NKAIN2: variants seen among roughly 807,000 people sequenced by gnomAD.
NKAIN2 encodes the protein sodium/potassium transporting ATPase interacting 2.
In NKAIN2, 14 loss-of-function variants were observed where a neutral mutation model predicts 32.6. That is an observed-to-expected ratio of 0.43 (90% CI 0.28 to 0.67). NKAIN2 has a LOEUF of 0.67. Ranked by LOEUF, NKAIN2 falls within the 30% of genes least tolerant of loss-of-function variation. NKAIN2 has a pLI of 0.17. For missense variants in NKAIN2, 198 were observed against 258.3 expected (o/e 0.77, Z 1.60); for synonymous variants, 80 against 87.2 (o/e 0.92, Z 0.46).
rs533100713 is a variant in NKAIN2 at position 123,878,883 on chromosome 6, A to C, written c.54+74629A>C. Among the ~76,000 whole-genome samples, 21 of 152,056 alleles carry C rather than the reference A, an allele frequency of 1.4e-4. No individual in the cohort carries two copies. In the South Asian group the frequency reaches 4.2e-3, roughly 30 times the overall value. On this transcript the variant is annotated intron_variant, in intron 1 of 6. Coordinates refer to ENST00000368417, the MANE Select transcript of NKAIN2 (RefSeq NM_001040214.3). ...CTTGCCTACCTGGTGGCAAACTACT[A>C]CTCAGAAGTTCACTCCAAAATGACT... is the stretch of plus-strand genomic sequence containing the variant.
chr6:123,907,520 C>G (rs754775444), intron 1 of NKAIN2, among the ~76,000 whole-genome samples: 1 of 152,150 alleles, frequency 6.6e-6, no homozygotes, highest in Non-Finnish European at 1.5e-5. Flanking sequence ...ATATATGGGA[C>G]TGGAACCCCA....
chr6:124,612,872 A>G (rs9321002), intron 3 of NKAIN2, among the ~76,000 whole-genome samples: 27,204 of 152,040 alleles, frequency 0.18, 2,626 homozygotes, highest in Middle Eastern at 0.24. Flanking sequence ...TATTATTTGC[A>G]TGAGAGAGTT....
chr6:124,202,351 G>A (rs1210968920), intron 1 of NKAIN2, among the ~76,000 whole-genome samples: 1 of 151,890 alleles, frequency 6.6e-6, no homozygotes, highest in Non-Finnish European at 1.5e-5. Context: ...AATTGGCTTC[G>A]ATTCCTTAGC....
At chr6:124,049,330 A>C (rs2114828948) in intron 1 of NKAIN2, among the ~76,000 whole-genome samples, 1 of 152,160 alleles carries the variant, frequency 6.6e-6, no homozygotes, top group South Asian at 2.1e-4. Context: ...AAACATTCCC[A>C]AATATATACT....
intron 1 of NKAIN2, among the ~76,000 whole-genome samples, chr6:123,830,353 C>T (rs1222677766): frequency 6.6e-6 from 1 of 152,166 alleles, no homozygotes; most frequent in Non-Finnish European, 1.5e-5. Context: ...TCCTGTTGCT[C>T]TAGGCGTAAA....
chr6:124,568,302 G>A (rs1051703379), intron 3 of NKAIN2, among the ~76,000 whole-genome samples: 3 of 152,150 alleles, frequency 2.0e-5, no homozygotes, highest in Non-Finnish European at 4.4e-5. Flanking sequence ...AGCAATTAGT[G>A]CCCACTAGGC....
chr6:124,371,852 G>A (rs899085990), intron 3 of NKAIN2, among the ~76,000 whole-genome samples: 15 of 151,968 alleles, frequency 9.9e-5, no homozygotes, highest in African/African-American at 3.6e-4. Context: ...CACTTCCCTG[G>A]TTGTGTTTTA....
chr6:124,574,330 C>G (rs949969019), intron 3 of NKAIN2, among the ~76,000 whole-genome samples: 1 of 150,036 alleles, frequency 6.7e-6, no homozygotes. Context: ...AAAAAAATAC[C>G]AGTGAGGTTG....
intron 1 of NKAIN2, among the ~76,000 whole-genome samples, chr6:124,018,020 T>C (rs182542547): frequency 5.9e-5 from 9 of 152,358 alleles, no homozygotes; most frequent in Admixed American, 4.6e-4. Context: ...GCAGCACACC[T>C]CTGCCTGGAC....
At chr6:123,902,460 A>G (rs1774647384) in intron 1 of NKAIN2, among the ~76,000 whole-genome samples, 1 of 152,184 alleles carries the variant, frequency 6.6e-6, no homozygotes, top group South Asian at 2.1e-4. Flanking sequence ...CAGTATCTAC[A>G]TGTTGACATT....
intron 1 of NKAIN2, among the ~76,000 whole-genome samples, chr6:123,903,028 T>A (rs1774679864): frequency 6.6e-6 from 1 of 152,208 alleles, no homozygotes; most frequent in Non-Finnish European, 1.5e-5. Flanking sequence ...TTGTTCAAAT[T>A]TAATTTCAAG....
chr6:124,810,187 T>A (rs1780821568), intron 5 of NKAIN2, among the ~76,000 whole-genome samples: 1 of 152,012 alleles, frequency 6.6e-6, no homozygotes, highest in African/African-American at 2.4e-5. Flanking sequence ...TGCACACATA[T>A]GTTTATTGCG....
chr6:124,758,194 C>T (rs1778054223), intron 4 of NKAIN2, among the ~76,000 whole-genome samples: 1 of 152,100 alleles, frequency 6.6e-6, no homozygotes, highest in African/African-American at 2.4e-5. Context: ...CCCTCTACTG[C>T]ACACTTGCCT....
intron 4 of NKAIN2, among the ~76,000 whole-genome samples, chr6:124,668,071 G>T (rs1772897152): frequency 6.6e-6 from 1 of 152,046 alleles, no homozygotes; most frequent in African/African-American, 2.4e-5. Flanking sequence ...TCTGACACTT[G>T]TCCCGACTGC....
chr6:124,241,468 C>T (rs1028091038), intron 1 of NKAIN2, among the ~76,000 whole-genome samples: 8 of 152,160 alleles, frequency 5.3e-5, no homozygotes, highest in African/African-American at 1.9e-4. Context: ...AAGCTGGAGG[C>T]ATCACGCTAC....
At chr6:124,001,800 AATAT>A (rs10567719) in intron 1 of NKAIN2, among the ~76,000 whole-genome samples, 7,813 of 135,050 alleles carry the variant, frequency 0.058, 354 homozygotes, top group East Asian at 0.26. Context: ...CTTAGTTCTA[AATAT>A]ATATATATAT....
At chr6:124,283,668 T>A (rs1217229025) in intron 2 of NKAIN2, among the ~76,000 whole-genome samples, 1 of 152,198 alleles carries the variant, frequency 6.6e-6, no homozygotes, top group East Asian at 1.9e-4. Flanking sequence ...GTATTTTGCA[T>A]TCCCACTCAA....
At chr6:124,779,313 AGGGAG>A (rs1562378882) in intron 4 of NKAIN2, among the ~76,000 whole-genome samples, 37 of 56,942 alleles carry the variant, frequency 6.5e-4, no homozygotes, top group Admixed American at 6.3e-4. Flanking sequence ...GGAGGGAGGG[AGGGAG>A]GGAAGGAAGG....
At chr6:124,727,743 A>G (rs1321950270) in intron 4 of NKAIN2, among the ~76,000 whole-genome samples, 3 of 142,298 alleles carry the variant, frequency 2.1e-5, no homozygotes, top group African/African-American at 5.2e-5. Context: ...AAATGCTCCA[A>G]TTAAAAGACA....
Sources: gnomAD v4.1 joint callset for allele counts (sites outside exome capture counted in the v4.1 genomes callset) on GRCh38, gnomAD v4.1.1 for gene constraint, MANE v1.5 for transcripts, NCBI Gene and HGNC (gene_info 2026-07-23, HGNC 2026-07-21) for gene names.